The following TTC6 variants were observed in gnomAD, a reference collection of about 807,000 sequenced individuals.
TTC6 encodes the protein tetratricopeptide repeat protein 6.
TTC6 carries 172 observed loss-of-function variants against 210.4 expected under a neutral mutation model. The observed-to-expected ratio is 0.82, with a 90% CI of 0.72 to 0.93. The LOEUF is 0.93. Among genes scored for constraint, TTC6 ranks in the 40% least tolerant of loss-of-function variants. TTC6 has a pLI of 0.00. For synonymous variants in TTC6, 804 were observed against 819.6 expected, an observed-to-expected ratio of 0.98 and a Z score of 0.32; for missense variants, 2,414 against 2,318.1, an observed-to-expected ratio of 1.04 and a Z score of -0.85.
At chr14:37,622,642 C>T in exon 1 of TTC6, 6 of 1,535,182 alleles carry the variant, frequency 3.9e-6, no homozygotes, top group Non-Finnish European at 5.2e-6. Context: ...GAGGTAGCTC[C>T]TCTCGCAGGG....
chr14:37,702,110 T>G (rs560527536), intron 5 of TTC6, among the ~76,000 whole-genome samples: 1 of 152,296 alleles, frequency 6.6e-6, no homozygotes, highest in South Asian at 2.1e-4. Context: ...AGTAACTATA[T>G]TCCGAGCAAC....
chr14:37,689,132 G>A (rs1214826756), intron 3 of TTC6, among the ~76,000 whole-genome samples: 2 of 150,174 alleles, frequency 1.3e-5, no homozygotes, highest in Non-Finnish European at 3.0e-5. Context: ...TAATTAGAAA[G>A]AATCAAGCAG....
At chr14:37,688,353 C>T (rs1295787792) in intron 3 of TTC6, among the ~76,000 whole-genome samples, 4 of 152,126 alleles carry the variant, frequency 2.6e-5, no homozygotes, top group Non-Finnish European at 2.9e-5. Flanking sequence ...TCTGGTTGCA[C>T]CCGGGGTCTG....
intron 26 of TTC6, 40 bp from the exon 29 acceptor site, chr14:37,823,707 C>A: frequency 6.5e-7 from 1 of 1,536,532 alleles, no homozygotes; most frequent in South Asian, 1.1e-5. Context: ...CAGAATGCAT[C>A]AGTTCACCAG....
chr14:37,725,648 C>T (rs1011056706), intron 7 of TTC6, among the ~76,000 whole-genome samples: 4 of 151,628 alleles, frequency 2.6e-5, no homozygotes, highest in Admixed American at 6.6e-5. Flanking sequence ...CCATGCCTGG[C>T]CATAGTTTTA....
chr14:37,830,561 A>G (rs1464229334), intron 29 of TTC6, among the ~76,000 whole-genome samples: 4 of 151,504 alleles, frequency 2.6e-5, no homozygotes, highest in African/African-American at 7.3e-5. Context: ...CTAAATCTTT[A>G]TACTGTTTCC....
At chr14:37,669,240 C>T (rs1343823130) in intron 1 of TTC6, among the ~76,000 whole-genome samples, 3 of 152,172 alleles carry the variant, frequency 2.0e-5, no homozygotes. Context: ...AATAAGCACA[C>T]AACCATGGGG....
At chr14:37,768,410 A>T (rs112879852) in intron 14 of TTC6, among the ~76,000 whole-genome samples, 69,743 of 150,438 alleles carry the variant, frequency 0.46, 16,240 homozygotes, top group East Asian at 0.58. Flanking sequence ...CATTTTCACG[A>T]TATTGATTCT....
At chr14:37,701,414 C>T in exon 5 of TTC6, 1 of 1,533,130 alleles carries the variant, frequency 6.5e-7, no homozygotes, top group Non-Finnish European at 8.7e-7. Context: ...TGACTTGCGC[C>T]TGGCTTCTCG....
intron 17 of TTC6, among the ~76,000 whole-genome samples, chr14:37,794,719 C>G (rs998264522): frequency 6.6e-6 from 1 of 151,932 alleles, no homozygotes; most frequent in African/African-American, 2.4e-5. Flanking sequence ...TATTACCCTC[C>G]TTTGCATGCT....
At chr14:37,651,918 T>G (rs1419063152) in intron 1 of TTC6, among the ~76,000 whole-genome samples, 1 of 152,054 alleles carries the variant, frequency 6.6e-6, no homozygotes, top group Admixed American at 6.5e-5. Flanking sequence ...GAAAATAGTT[T>G]AGGTTTGATT....
chr14:37,828,499 C>CAT (rs2096177399), intron 29 of TTC6, among the ~76,000 whole-genome samples: 1 of 152,050 alleles, frequency 6.6e-6, no homozygotes, highest in African/African-American at 2.4e-5. Context: ...ATACACATAA[C>CAT]ATAAACTTTA....
intron 1 of TTC6, among the ~76,000 whole-genome samples, chr14:37,602,607 C>G (rs867857617): frequency 6.6e-6 from 1 of 152,152 alleles, no homozygotes; most frequent in African/African-American, 2.4e-5. Context: ...CTCCCACCCC[C>G]ACTGTCCCAC....
At chr14:37,757,879 G>A (rs774954546) in intron 14 of TTC6, among the ~76,000 whole-genome samples, 69 of 152,056 alleles carry the variant, frequency 4.5e-4, no homozygotes, top group Admixed American at 7.9e-4. Context: ...GGTATGTTGC[G>A]TCTTTGTTCT....
chr14:37,837,252 G>A, intron 29 of TTC6: 1 of 329,978 alleles, frequency 3.0e-6, no homozygotes, highest in Non-Finnish European at 6.0e-6. Context: ...GGTATGCCTT[G>A]TGATGTATAA....
chr14:37,659,921 T>C (rs1346230655), intron 1 of TTC6, among the ~76,000 whole-genome samples: 1 of 152,220 alleles, frequency 6.6e-6, no homozygotes, highest in Non-Finnish European at 1.5e-5. Flanking sequence ...TGTCTGTTCA[T>C]GTCATTTGCC....
At position 37,753,081 on chromosome 14, in the gene TTC6, C is replaced by A. The variant is rs532424724; in HGVS notation, c.3130-18C>A. The A allele has an allele frequency of 2.0e-6, 3 of 1,506,544 alleles. No individual in the cohort carries two copies. Among genetic ancestry groups the A allele is most frequent in the Non-Finnish European group, 1.8e-6 (2 of 1,128,722 alleles). 93.3% of individuals were successfully genotyped at this position (1,506,544 alleles called of 1,614,324 possible). A position where few individuals can be genotyped will look rare whatever the true frequency, so the allele number is the denominator to read the frequency against. Reference sequence around the variant, plus strand: ...TTTTCATTTTGTGATGTTTATGTACCTCCCGCTGTCCCTATAGTGTATTTT... The same window carrying A: ...TTTTCATTTTGTGATGTTTATGTACATCCCGCTGTCCCTATAGTGTATTTT... On this transcript the variant is annotated intron_variant, in intron 13 of 30. Coordinates refer to ENST00000553443, the Ensembl canonical transcript of TTC6.
chr14:37,658,628 T>G (rs2095730075), intron 1 of TTC6, among the ~76,000 whole-genome samples: 1 of 152,156 alleles, frequency 6.6e-6, no homozygotes, highest in Admixed American at 6.5e-5. Flanking sequence ...ATGAGTACAT[T>G]GGGTTATTTG....
intron 1 of TTC6, among the ~76,000 whole-genome samples, chr14:37,660,380 C>T (rs1246808813): frequency 6.6e-6 from 1 of 152,092 alleles, no homozygotes; most frequent in Non-Finnish European, 1.5e-5. Context: ...ATGCTCTCCC[C>T]CACACCTCAC....
Sources: allele counts gnomAD v4.1 joint callset (sites outside exome capture counted in the v4.1 genomes callset), GRCh38; gene constraint gnomAD v4.1.1; transcripts MANE v1.5; gene names NCBI Gene and HGNC (gene_info 2026-07-23, HGNC 2026-07-21).